Variants in ZW10 observed in about 807,000 individuals in gnomAD.
ZW10 encodes the protein zw10 kinetochore protein, also known as centromere/kinetochore protein zw10 homolog.
Under a neutral mutation model 87.8 loss-of-function variants are expected in ZW10, and 53 were observed. The ratio of observed to expected loss-of-function variants is 0.60; its 90% CI spans 0.48 to 0.76. The LOEUF is 0.76. ZW10 is among the 30% of genes least tolerant of loss of function. The pLI is 0.00. For missense variants in ZW10, 837 were observed against 923.0 expected, an observed-to-expected ratio of 0.91 and a Z score of 1.21; for synonymous variants, 312 against 329.2, an observed-to-expected ratio of 0.95 and a Z score of 0.57.
intron 2 of ZW10, 33 bp downstream of exon 2, chr11:113,768,800 A>G: frequency 1.2e-6 from 2 of 1,609,796 alleles, no homozygotes; most frequent in Non-Finnish European, 1.7e-6. Flanking sequence ...CCACCTCCCT[A>G]CAAACCTACC....
chr11:113,747,399 A>G (rs1953690037), intron 9 of ZW10, 132 bp downstream of exon 9: 5 of 763,670 alleles, frequency 6.5e-6, no homozygotes, highest in Non-Finnish European at 1.0e-5. Context: ...GACAAAACCA[A>G]TGTAAAAAAG....
intron 7 of ZW10, among the ~76,000 whole-genome samples, chr11:113,755,407 G>C (rs1953773537): frequency 6.6e-6 from 1 of 152,192 alleles, no homozygotes; most frequent in Non-Finnish European, 1.5e-5. Context: ...AAGAGAGCTA[G>C]AATCAGAAAT....
chr11:113,757,097 C>T (rs1436311463), intron 7 of ZW10, among the ~76,000 whole-genome samples: 2 of 144,318 alleles, frequency 1.4e-5, no homozygotes, highest in African/African-American at 5.1e-5. Context: ...GAAGGTAAAT[C>T]AAATAGACTT....
chr11:113,743,243 T>C (rs1251827870), intron 10 of ZW10, among the ~76,000 whole-genome samples: 1 of 152,214 alleles, frequency 6.6e-6, no homozygotes, highest in African/African-American at 2.4e-5. Context: ...GCCTAACAAA[T>C]TGTTATTGCT....
chr11:113,767,074 A>G (rs1953915986), intron 2 of ZW10, among the ~76,000 whole-genome samples: 1 of 152,062 alleles, frequency 6.6e-6, no homozygotes, highest in Non-Finnish European at 1.5e-5. Context: ...CCGACTTTCA[A>G]GCAAGTTAAA....
rs773705573 is a variant in ZW10 at position 113,757,695 on chromosome 11, G to C, written c.892C>G (p.Leu298Val). Reference sequence around the variant, plus strand: ...TGTTTCTGGAGCACTTCTAGTACCAGTCTGATCTTTGTAAAAACTTCAGAT... The same window carrying C: ...TGTTTCTGGAGCACTTCTAGTACCACTCTGATCTTTGTAAAAACTTCAGAT... ...SPSEVFTKIR[L>V]VLEVLQKQLL... Residue 298 changes from leucine to valine, a missense_variant, in exon 7 of 16, where the codon CTG (leucine) becomes GTG (valine). Transcript: ENST00000200135. The C allele has an allele frequency of 1.2e-6, 2 of 1,611,294 alleles. No individual in the cohort carries two copies. The highest frequency in any genetic ancestry group is 2.2e-5 in the South Asian group (2 of 90,732).
chr11:113,755,787 C>T (rs1172374225), intron 7 of ZW10, among the ~76,000 whole-genome samples: 1 of 152,210 alleles, frequency 6.6e-6, no homozygotes, highest in Non-Finnish European at 1.5e-5. Flanking sequence ...TCAGCAACCA[C>T]CATCCTGATC....
In ZW10 at chr11:113,760,323, A is replaced by C. The variant is rs1953843840; in HGVS notation, c.466T>G (p.Leu156Val). 1 of 1,613,926 alleles carries C rather than the reference A, an allele frequency of 6.2e-7. No homozygotes were observed. Among genetic ancestry groups the C allele is most frequent in the African/African-American group, 1.3e-5 (1 of 74,914 alleles). The change falls in exon 5 of 16, where the codon TTA becomes GTA. Residue 156 changes from leucine to valine, a missense_variant. By Grantham distance (32) the Leu-to-Val change is conservative (BLOSUM62 1). Transcript: ENST00000200135. Reference protein sequence around the residue: ...KLLKSRKCFDLKILKSLSMEL... With the variant: ...KLLKSRKCFDVKILKSLSMEL... ...ATGCTGAGAGATTTCAATATTTTTA[A>C]ATCAAAGCATTTTCTGGATTTTAAT... is the stretch of plus-strand genomic sequence containing the variant.
rs758220203 is a variant in ZW10 at position 113,768,894 on chromosome 11, A to G, written c.179T>C (p.Ile60Thr). 1 of 1,614,194 alleles carries G rather than the reference A, an allele frequency of 6.2e-7. No individual in the cohort carries two copies. The highest frequency in any genetic ancestry group is 1.1e-5 in the South Asian group (1 of 91,080). ...LPSMQSAQGLITQVDKLSEDI... is the reference protein window; with the variant it reads ...LPSMQSAQGLTTQVDKLSEDI... ...TTCAGATAGCTTATCCACCTGGGTA[A>G]TCAGGCCCTGCGCGCTCTGCATGCT... Residue 60 changes from isoleucine to threonine, a missense_variant, in exon 2 of 16, where the codon ATT becomes ACT. Transcript: ENST00000200135.
At chr11:113,743,709 C>T (rs1402044064) in intron 10 of ZW10, 93 bp downstream of exon 10, 1 of 1,035,816 alleles carries the variant, frequency 9.7e-7, no homozygotes, top group African/African-American at 1.6e-5. Flanking sequence ...ATATGAAAAC[C>T]CAAAGAATTC....
At chr11:113,736,280 A>C (rs1173125848) in intron 15 of ZW10, among the ~76,000 whole-genome samples, 2 of 151,958 alleles carry the variant, frequency 1.3e-5, no homozygotes, top group African/African-American at 2.4e-5. Flanking sequence ...GTCTCAAAAA[A>C]AAAAAAGCAT....
intron 2 of ZW10, among the ~76,000 whole-genome samples, chr11:113,762,070 T>G (rs544017459): frequency 2.6e-5 from 4 of 152,338 alleles, no homozygotes; most frequent in East Asian, 3.9e-4. Flanking sequence ...TGGGGACGCA[T>G]TCTAAGAAAT....
chr11:113,773,424 A>C, intron 1 of ZW10, 138 bp downstream of exon 1: 1 of 654,804 alleles, frequency 1.5e-6, no homozygotes, highest in South Asian at 2.0e-5. Flanking sequence ...TTCAGCCCCC[A>C]CAACTAGATC....
intron 2 of ZW10, among the ~76,000 whole-genome samples, chr11:113,762,973 G>T (rs1953877315): frequency 1.3e-5 from 2 of 152,280 alleles, no homozygotes; most frequent in Admixed American, 1.3e-4. Flanking sequence ...TGCCATGGTG[G>T]TTTGCTGCAC....
chr11:113,743,723 C>A (rs1417670970), intron 10 of ZW10, 79 bp downstream of exon 10: 9 of 1,129,356 alleles, frequency 8.0e-6, no homozygotes, highest in Non-Finnish European at 1.2e-5. Context: ...AGAATTCCAG[C>A]TAATTTTCCT....
chr11:113,757,619 T>G, intron 7 of ZW10, 43 bp downstream of exon 7: 1 of 1,305,020 alleles, frequency 7.7e-7, no homozygotes. Flanking sequence ...ATAAACAATA[T>G]TTAGTTTCCA....
chr11:113,759,943 A>T (rs188330917), intron 5 of ZW10, among the ~76,000 whole-genome samples: 1 of 152,244 alleles, frequency 6.6e-6, no homozygotes. Context: ...CACTCTCACC[A>T]CATGATCCCA....
chr11:113,773,590 C>T lies in ZW10; in HGVS notation c.77G>A (p.Arg26His). 6.2e-7 allele frequency: 1 copy of T among 1,613,852 alleles called. No individual in the cohort carries two copies. The change falls in exon 1 of 16, where the codon CGC (arginine) becomes CAC (histidine). Residue 26 changes from arginine to histidine, a missense_variant. By Grantham distance (29) the Arg-to-His change is conservative. Transcript: ENST00000200135. Reference sequence around the variant, plus strand: ...GATCTCCTCCACCCGCCGGGTCAGGCGGCTGATCCGGGTCCCCAGATCCTC... The same window carrying T: ...GATCTCCTCCACCCGCCGGGTCAGGTGGCTGATCCGGGTCCCCAGATCCTC... ...EKEDLGTRIS[R>H]LTRRVEEIKG...
intron 7 of ZW10, among the ~76,000 whole-genome samples, chr11:113,754,222 C>T (rs1448738793): frequency 6.6e-6 from 1 of 152,202 alleles, no homozygotes; most frequent in East Asian, 1.9e-4. Context: ...CGATGGCTCA[C>T]ACCTGTAATC....
Sources: gnomAD v4.1 joint callset for allele counts (sites outside exome capture counted in the v4.1 genomes callset) on GRCh38, gnomAD v4.1.1 for gene constraint, MANE v1.5 for transcripts, NCBI Gene and HGNC (gene_info 2026-07-23, HGNC 2026-07-21) for gene names.